The following RGS6 variants were observed in gnomAD, a reference collection of about 807,000 sequenced individuals.
RGS6 encodes regulator of G protein signaling 6.
In RGS6, 30 loss-of-function variants were observed where a neutral mutation model predicts 78.5. That is an observed-to-expected ratio of 0.38 (90% CI 0.29 to 0.52). RGS6 has a LOEUF of 0.52. RGS6 is among the 20% of genes least tolerant of loss of function. RGS6 has a pLI of 0.85. For missense variants in RGS6, 495 were observed against 609.7 expected, an observed-to-expected ratio of 0.81 and a Z score of 1.98; for synonymous variants, 206 against 206.0, an observed-to-expected ratio of 1.00 and a Z score of 0.00.
chr14:72,251,851 G>C (rs1001147379), intron 2 of RGS6, among the ~76,000 whole-genome samples: 1 of 152,028 alleles, frequency 6.6e-6, no homozygotes, highest in African/African-American at 2.4e-5. Context: ...TGAACCCCTT[G>C]AACCTAAAAT....
intron 2 of RGS6, among the ~76,000 whole-genome samples, chr14:72,059,708 A>C (rs953061635): frequency 6.6e-6 from 1 of 152,094 alleles, no homozygotes; most frequent in Non-Finnish European, 1.5e-5. Flanking sequence ...GTAAGGTTAG[A>C]TTAGCTCATG....
rs954541619 is a variant in RGS6 at position 72,454,385 on chromosome 14, T to A, written c.185-143T>A. On this transcript the variant is annotated intron_variant, in intron 3 of 17. Coordinates refer to ENST00000553525, the MANE Select transcript of RGS6 (RefSeq NM_001204424.2). Reference sequence around the variant, plus strand: ...TGTACTGAAGAATGGAAAGGGTTGGTTAGGACAAAAAAAAGTGCCCATATT... The same window carrying A: ...TGTACTGAAGAATGGAAAGGGTTGGATAGGACAAAAAAAAGTGCCCATATT... 6.4e-6 allele frequency: 5 copies of A among 782,576 alleles called. No individual in the cohort carries two copies. The African/African-American group carries it at 6.8e-5, about 11-fold the overall frequency. 48.5% of individuals were successfully genotyped at this position (782,576 alleles called of 1,614,324 possible).
At chr14:72,366,110 A>C (rs538411825) in intron 3 of RGS6, among the ~76,000 whole-genome samples, 32 of 152,286 alleles carry the variant, frequency 2.1e-4, no homozygotes, top group Admixed American at 3.9e-4. Context: ...TCTATCTGCT[A>C]CCCAGCCTTG....
At chr14:72,059,409 T>C (rs1177983602) in intron 2 of RGS6, among the ~76,000 whole-genome samples, 4 of 152,218 alleles carry the variant, frequency 2.6e-5, no homozygotes, top group Non-Finnish European at 5.9e-5. Context: ...ACTTGTCACA[T>C]GTTCTTTTAG....
At chr14:72,260,727 A>G (rs1301222795) in intron 2 of RGS6, among the ~76,000 whole-genome samples, 1 of 152,210 alleles carries the variant, frequency 6.6e-6, no homozygotes, top group Admixed American at 6.5e-5. Flanking sequence ...CTCCAGGCCC[A>G]TCAGAATGGA....
the RGS6 span, among the ~76,000 whole-genome samples, chr14:72,618,561 G>A: frequency 6.6e-6 from 1 of 152,164 alleles, no homozygotes; most frequent in African/African-American, 2.4e-5. Flanking sequence ...AGTCTCTCCC[G>A]ATGGATAACA....
At chr14:72,522,622 T>A (rs377679102) in intron 15 of RGS6, among the ~76,000 whole-genome samples, 1 of 152,242 alleles carries the variant, frequency 6.6e-6, no homozygotes, top group African/African-American at 2.4e-5. Context: ...CCTATGGCTG[T>A]GTTTATTTAT....
chr14:72,047,204 A>G (rs147836125), intron 2 of RGS6, among the ~76,000 whole-genome samples: 11 of 152,234 alleles, frequency 7.2e-5, no homozygotes, highest in Non-Finnish European at 1.5e-4. Context: ...TCTACTGGAT[A>G]CTCTCATCTG....
At chr14:72,456,378 C>T (rs1344500020) in intron 4 of RGS6, among the ~76,000 whole-genome samples, 1 of 152,234 alleles carries the variant, frequency 6.6e-6, no homozygotes, top group Non-Finnish European at 1.5e-5. Flanking sequence ...GCAGCCTTGA[C>T]CTCCCTGGCC....
intron 2 of RGS6, among the ~76,000 whole-genome samples, chr14:72,221,102 A>T (rs936096868): frequency 6.6e-6 from 1 of 152,290 alleles, no homozygotes; most frequent in East Asian, 1.9e-4. Context: ...CTACTTATCT[A>T]TTTGAAGTCA....
chr14:72,041,544 AC>A (rs1434624558), intron 2 of RGS6, among the ~76,000 whole-genome samples: 1 of 152,240 alleles, frequency 6.6e-6, no homozygotes, highest in African/African-American at 2.4e-5. Context: ...AAAAACTGGA[AC>A]ACTGGATGTG....
intron 2 of RGS6, among the ~76,000 whole-genome samples, chr14:72,031,364 G>A (rs1214707783): frequency 6.6e-6 from 1 of 152,080 alleles, no homozygotes; most frequent in Admixed American, 6.6e-5. Context: ...CTGTGAGTAA[G>A]ATGTTTTTAA....
At chr14:72,524,486 A>C (rs1316687429) in intron 15 of RGS6, among the ~76,000 whole-genome samples, 1 of 152,244 alleles carries the variant, frequency 6.6e-6, no homozygotes, top group Non-Finnish European at 1.5e-5. Context: ...CAAAGCCTTC[A>C]CAGGCTCTAG....
intron 2 of RGS6, among the ~76,000 whole-genome samples, chr14:72,262,505 T>C (rs563876342): frequency 6.6e-6 from 1 of 152,284 alleles, no homozygotes; most frequent in East Asian, 1.9e-4. Flanking sequence ...CTTATGACCA[T>C]AGTTAACTTC....
chr14:72,248,480 G>A (rs1047157082), intron 2 of RGS6, among the ~76,000 whole-genome samples: 8 of 151,934 alleles, frequency 5.3e-5, no homozygotes, highest in Non-Finnish European at 1.2e-4. Flanking sequence ...TTTTAATTTT[G>A]TATACAGCAA....
chr14:72,053,104 C>T (rs889800764), intron 2 of RGS6, among the ~76,000 whole-genome samples: 8 of 74,312 alleles, frequency 1.1e-4, no homozygotes, highest in African/African-American at 3.6e-4. Context: ...TTCCTTCCTT[C>T]CTTCCTTCCT....
chr14:72,492,522 C>T (rs548217980), intron 12 of RGS6, among the ~76,000 whole-genome samples: 9 of 151,924 alleles, frequency 5.9e-5, no homozygotes, highest in African/African-American at 1.9e-4. Context: ...CCCACTTTGG[C>T]GAAAAAGAAT....
At chr14:72,219,882 A>AT (rs1216044307) in intron 2 of RGS6, among the ~76,000 whole-genome samples, 1 of 151,820 alleles carries the variant, frequency 6.6e-6, no homozygotes, top group South Asian at 2.1e-4. Flanking sequence ...GTCTATGTTC[A>AT]TTTTTTTTCT....
chr14:72,620,149 T>C, the RGS6 span, among the ~76,000 whole-genome samples: 2 of 152,136 alleles, frequency 1.3e-5, no homozygotes, highest in Admixed American at 1.3e-4. Flanking sequence ...CCTGTGCTTT[T>C]CCCACAACTG....
Sources: gnomAD v4.1 joint callset for allele counts (sites outside exome capture counted in the v4.1 genomes callset) on GRCh38, gnomAD v4.1.1 for gene constraint, MANE v1.5 for transcripts, NCBI Gene and HGNC (gene_info 2026-07-23, HGNC 2026-07-21) for gene names.